Variants in AUTS2 observed in about 807,000 individuals in gnomAD.
AUTS2 encodes autism susceptibility gene 2 protein.
AUTS2 carries 17 observed loss-of-function variants against 112.4 expected under a neutral mutation model. The observed-to-expected ratio is 0.15, with a 90% confidence interval of 0.10 to 0.23. The LOEUF (loss-of-function observed/expected upper bound fraction) is 0.23. Ranked by LOEUF, AUTS2 falls within the 10% of genes least tolerant of loss-of-function variation. The probability of loss-of-function intolerance (pLI) is 1.00; values close to 1 mark genes in which losing one functional copy is unlikely to be tolerated. For missense variants in AUTS2, 1,510 were observed against 1,701.6 expected (o/e 0.89, Z 1.98); for synonymous variants, 751 against 702.7 (o/e 1.07, Z -1.09).
chr7:70,719,362 A>T (rs1042329476), intron 6 of AUTS2, among the ~76,000 whole-genome samples: 2 of 152,182 alleles, frequency 1.3e-5, no homozygotes, highest in Non-Finnish European at 1.5e-5. Flanking sequence ...CAAGGGCTCA[A>T]TAACAGGAGT....
At chr7:70,604,569 G>A (rs38304) in intron 5 of AUTS2, among the ~76,000 whole-genome samples, 19,759 of 152,292 alleles carry the variant, frequency 0.13, 1,588 homozygotes, top group Non-Finnish European at 0.17. Flanking sequence ...TTGCCCCTAG[G>A]CCCTACTTTA....
intron 1 of AUTS2, among the ~76,000 whole-genome samples, chr7:69,621,855 G>A (rs1437617725): frequency 6.6e-6 from 1 of 151,938 alleles, no homozygotes; most frequent in Non-Finnish European, 1.5e-5. Flanking sequence ...AGAGCCATTC[G>A]CAGACTTTAG....
chr7:70,353,477 C>A (rs1791859055), intron 4 of AUTS2, among the ~76,000 whole-genome samples: 1 of 152,048 alleles, frequency 6.6e-6, no homozygotes, highest in South Asian at 2.1e-4. Context: ...TAGTCTCCTG[C>A]AGGAGGGTGG....
At chr7:70,274,671 CTGTAATGGG>C (rs1391047073) in intron 4 of AUTS2, among the ~76,000 whole-genome samples, 1 of 152,040 alleles carries the variant, frequency 6.6e-6, no homozygotes, top group East Asian at 1.9e-4. Context: ...AGCTTAAGGT[CTGTAATGGG>C]TTTAAAGCTC....
At chr7:70,404,827 A>G (rs891856373) in intron 4 of AUTS2, among the ~76,000 whole-genome samples, 9 of 152,176 alleles carry the variant, frequency 5.9e-5, no homozygotes, top group African/African-American at 2.2e-4. Flanking sequence ...CCATAATCAA[A>G]ACTACAGAAA....
intron 11 of AUTS2, 127 bp from the exon 12 acceptor site, chr7:70,773,901 T>C (rs557541612): frequency 1.2e-5 from 10 of 850,682 alleles, no homozygotes; most frequent in Non-Finnish European, 1.7e-5. Flanking sequence ...GAAAAATGAA[T>C]CTTGCGTTTC....
At chr7:70,333,442 C>T (rs1003747362) in intron 4 of AUTS2, among the ~76,000 whole-genome samples, 2 of 152,114 alleles carry the variant, frequency 1.3e-5, no homozygotes, top group African/African-American at 4.8e-5. Flanking sequence ...TTTGACCCAG[C>T]AATCTTATTA....
intron 4 of AUTS2, among the ~76,000 whole-genome samples, chr7:70,411,518 C>T (rs913339729): frequency 2.0e-5 from 3 of 152,062 alleles, no homozygotes; most frequent in South Asian, 2.1e-4. Context: ...GGTAAACACA[C>T]TTTATCAAGT....
chr7:70,063,044 A>G (rs1802325231), intron 2 of AUTS2, among the ~76,000 whole-genome samples: 1 of 152,092 alleles, frequency 6.6e-6, no homozygotes, highest in Non-Finnish European at 1.5e-5. Flanking sequence ...TTTGTGTATG[A>G]GAGTCTTTCT....
intron 1 of AUTS2, among the ~76,000 whole-genome samples, chr7:69,806,197 C>CT (rs56704400): frequency 0.07 from 3,861 of 54,968 alleles, 406 homozygotes; most frequent in Non-Finnish European, 0.089. Flanking sequence ...CCAGCCAAGG[C>CT]TTTTTTTTTT....
chr7:69,841,465 AC>A (rs1192233662), intron 1 of AUTS2, among the ~76,000 whole-genome samples: 1 of 152,164 alleles, frequency 6.6e-6, no homozygotes, highest in Non-Finnish European at 1.5e-5. Flanking sequence ...ACCTCCCACC[AC>A]CAGCATTGGG....
intron 4 of AUTS2, among the ~76,000 whole-genome samples, chr7:70,255,585 A>C (rs994744636): frequency 2.0e-5 from 3 of 152,220 alleles, no homozygotes; most frequent in African/African-American, 7.2e-5. Flanking sequence ...TTATAACTTC[A>C]GCTTATATGG....
intron 4 of AUTS2, among the ~76,000 whole-genome samples, chr7:70,365,383 C>G (rs896016276): frequency 2.6e-5 from 4 of 152,194 alleles, no homozygotes; most frequent in Non-Finnish European, 5.9e-5. Flanking sequence ...AAATAAAGCT[C>G]AAGCTCAGAA....
At chr7:70,512,889 G>GT (rs764075695) in intron 5 of AUTS2, among the ~76,000 whole-genome samples, 118 of 151,904 alleles carry the variant, frequency 7.8e-4, no homozygotes, top group Admixed American at 2.9e-3. Flanking sequence ...TGAGTGAAGT[G>GT]TGGGGGGGCA....
intron 1 of AUTS2, among the ~76,000 whole-genome samples, chr7:69,840,027 A>T (rs1171025732): frequency 6.6e-6 from 1 of 152,168 alleles, no homozygotes. Context: ...GTTTCACTCT[A>T]GACCCAGTGA....
rs574532571 is a variant in AUTS2, at chr7:70,716,012, G to T, written c.742+17392G>T. ...ATATCCTGAGAATCTTAAGTGACTT[G>T]ATTCAAGAAAGTAGGCAAAAACCTG... is the stretch of plus-strand genomic sequence containing the variant. On this transcript the variant is annotated intron_variant, in intron 6 of 18. Coordinates refer to ENST00000342771, the MANE Select transcript of AUTS2 (RefSeq NM_015570.4). 2.0e-5 allele frequency among the ~76,000 whole-genome samples: 3 copies of T among 152,332 alleles called. No homozygotes were observed. In the South Asian group the frequency reaches 6.2e-4, roughly 32 times the overall value.
chr7:69,969,407 A>G (rs906912973), intron 2 of AUTS2, among the ~76,000 whole-genome samples: 5 of 152,208 alleles, frequency 3.3e-5, no homozygotes, highest in Non-Finnish European at 7.4e-5. Flanking sequence ...AAGGCTCTAT[A>G]CCTAATTGAA....
intron 6 of AUTS2, among the ~76,000 whole-genome samples, chr7:70,729,397 T>C (rs982746728): frequency 2.6e-5 from 4 of 152,214 alleles, no homozygotes; most frequent in Non-Finnish European, 5.9e-5. Flanking sequence ...CCACACTTCA[T>C]GATGCCCAGT....
intron 1 of AUTS2, among the ~76,000 whole-genome samples, chr7:69,791,498 C>T (rs1034508679): frequency 6.6e-6 from 1 of 152,132 alleles, no homozygotes; most frequent in African/African-American, 2.4e-5. Flanking sequence ...AGTGCAGTCA[C>T]GTCGTTTCAT....
Sources: allele counts gnomAD v4.1 joint callset (sites outside exome capture counted in the v4.1 genomes callset), GRCh38; gene constraint gnomAD v4.1.1; transcripts MANE v1.5; gene names NCBI Gene and HGNC (gene_info 2026-07-23, HGNC 2026-07-21).